Variants in NRG3 observed in about 807,000 individuals in gnomAD.
The protein encoded by NRG3 is pro-neuregulin-3, membrane-bound isoform.
A neutral mutation model predicts 66.9 loss-of-function variants in NRG3; 31 were observed. That is an observed-to-expected ratio of 0.46 (90% CI 0.35 to 0.63). The LOEUF is 0.63. NRG3 is among the 20% of genes least tolerant of loss of function. The probability of loss-of-function intolerance (pLI) is 0.00; values close to 1 mark genes in which losing one functional copy is unlikely to be tolerated. For synonymous variants in NRG3, 393 were observed against 359.4 expected (o/e 1.09, Z -1.06); for missense variants, 910 against 878.9 (o/e 1.04, Z -0.45).
At chr10:81,976,760 C>A (rs937053857) in intron 1 of NRG3, among the ~76,000 whole-genome samples, 4 of 152,122 alleles carry the variant, frequency 2.6e-5, no homozygotes, top group East Asian at 1.9e-4. Context: ...ACAATTATTT[C>A]TTTCTTGGAT....
chr10:81,971,903 A>G (rs574608247), intron 1 of NRG3, among the ~76,000 whole-genome samples: 281 of 152,348 alleles, frequency 1.8e-3, no homozygotes, highest in Non-Finnish European at 3.0e-3. Context: ...ATGTAAAGGG[A>G]TGCTTTGGGT....
intron 1 of NRG3, among the ~76,000 whole-genome samples, chr10:81,970,884 A>C (rs1027772144): frequency 6.6e-6 from 1 of 152,224 alleles, no homozygotes; most frequent in Non-Finnish European, 1.5e-5. Flanking sequence ...TCATGCCTGT[A>C]ATCCCAGCAC....
At chr10:82,255,158 A>G (rs1317116655) in intron 1 of NRG3, among the ~76,000 whole-genome samples, 1 of 152,158 alleles carries the variant, frequency 6.6e-6, no homozygotes, top group Non-Finnish European at 1.5e-5. Flanking sequence ...CCTTCCTGGA[A>G]CCCATAAACC....
intron 2 of NRG3, among the ~76,000 whole-genome samples, chr10:82,408,119 G>GAA (rs1438562547): frequency 1.1e-4 from 15 of 141,126 alleles, no homozygotes; most frequent in Admixed American, 9.6e-4. Flanking sequence ...AAGAAAGAAA[G>GAA]AAAGAAAGAA....
chr10:82,251,418 G>T (rs1001253350), intron 1 of NRG3, among the ~76,000 whole-genome samples: 1 of 152,128 alleles, frequency 6.6e-6, no homozygotes, highest in African/African-American at 2.4e-5. Context: ...GGCCCTGCAG[G>T]TACCGAGAAG....
chr10:82,548,152 G>T (rs2044055099), intron 2 of NRG3, among the ~76,000 whole-genome samples: 1 of 150,804 alleles, frequency 6.6e-6, no homozygotes, highest in African/African-American at 2.4e-5. Flanking sequence ...TATATTCAAG[G>T]TTATATATTT....
At chr10:82,972,368 A>G (rs1038713315) in intron 6 of NRG3, among the ~76,000 whole-genome samples, 3 of 151,914 alleles carry the variant, frequency 2.0e-5, no homozygotes, top group Non-Finnish European at 4.4e-5. Flanking sequence ...TCTTTTTCTT[A>G]TCAATATCTT....
At chr10:81,936,199 A>G (rs1847855542) in intron 1 of NRG3, among the ~76,000 whole-genome samples, 1 of 152,190 alleles carries the variant, frequency 6.6e-6, no homozygotes, top group Admixed American at 6.5e-5. Context: ...ATGTTAATAT[A>G]TGTCAAAAGA....
intron 2 of NRG3, among the ~76,000 whole-genome samples, chr10:82,723,728 C>T (rs1380754048): frequency 6.6e-6 from 1 of 152,012 alleles, no homozygotes; most frequent in African/African-American, 2.4e-5. Context: ...GCCTGTAATC[C>T]CAGCACTTTG....
intron 1 of NRG3, among the ~76,000 whole-genome samples, chr10:82,175,219 A>C (rs2072937266): frequency 6.6e-6 from 1 of 152,146 alleles, no homozygotes; most frequent in Admixed American, 6.6e-5. Flanking sequence ...GATTGGCTTC[A>C]AGCTGCTTCT....
intron 2 of NRG3, among the ~76,000 whole-genome samples, chr10:82,484,871 G>A (rs1208706124): frequency 6.6e-6 from 1 of 152,158 alleles, no homozygotes; most frequent in Non-Finnish European, 1.5e-5. Context: ...GAACAGTAAT[G>A]TCTTGTCCCA....
intron 1 of NRG3, among the ~76,000 whole-genome samples, chr10:82,271,645 T>C (rs1266648679): frequency 1.3e-5 from 2 of 152,116 alleles, no homozygotes; most frequent in African/African-American, 4.8e-5. Context: ...GTGTAAGCAA[T>C]ACTGCTGGTT....
At chr10:82,252,697 C>T (rs1186732118) in intron 1 of NRG3, among the ~76,000 whole-genome samples, 1 of 151,948 alleles carries the variant, frequency 6.6e-6, no homozygotes, top group Admixed American at 6.6e-5. Context: ...AAAATTTTTC[C>T]TTAAGATTTA....
intron 2 of NRG3, among the ~76,000 whole-genome samples, chr10:82,734,145 T>TG (rs1227204852): frequency 1.3e-5 from 2 of 152,236 alleles, no homozygotes; most frequent in African/African-American, 4.8e-5. Flanking sequence ...GTCTCATCCT[T>TG]GCTGGTACTG....
intron 1 of NRG3, among the ~76,000 whole-genome samples, chr10:82,059,009 C>T (rs1049754901): frequency 1.3e-5 from 2 of 152,030 alleles, no homozygotes; most frequent in Non-Finnish European, 2.9e-5. Context: ...ACATGTGGGA[C>T]GTTTCCAGTG....
chr10:81,876,227 C>A, intron 1 of NRG3, 64 bp downstream of exon 1: 1 of 1,499,786 alleles, frequency 6.7e-7, no homozygotes, highest in South Asian at 1.3e-5. Flanking sequence ...CTCCTGCTGT[C>A]TTTTTCCCTC....
chr10:82,809,149 C>T (rs752934819), intron 3 of NRG3, among the ~76,000 whole-genome samples: 40 of 152,190 alleles, frequency 2.6e-4, no homozygotes, highest in Non-Finnish European at 4.7e-4. Flanking sequence ...ATTAAAGAGC[C>T]CCATCCCATA....
At chr10:82,820,497 ATAGTCTGGGCC>A (rs1337115943) in intron 3 of NRG3, among the ~76,000 whole-genome samples, 2 of 152,102 alleles carry the variant, frequency 1.3e-5, no homozygotes, top group Non-Finnish European at 2.9e-5. Context: ...TGCTCCCTAC[ATAGTCTGGGCC>A]CGGAAATGAT....
chr10:82,461,513 C>T (rs2091515041), intron 2 of NRG3, among the ~76,000 whole-genome samples: 1 of 152,196 alleles, frequency 6.6e-6, no homozygotes, highest in Non-Finnish European at 1.5e-5. Flanking sequence ...GTCACACCCA[C>T]TAACTGATTT....
Sources: gnomAD v4.1 joint callset for allele counts (sites outside exome capture counted in the v4.1 genomes callset) on GRCh38, gnomAD v4.1.1 for gene constraint, MANE v1.5 for transcripts, NCBI Gene and HGNC (gene_info 2026-07-23, HGNC 2026-07-21) for gene names.